Variants in ANTXR2 observed in about 807,000 individuals in gnomAD.
ANTXR2 encodes the protein anthrax toxin receptor 2.
In ANTXR2, 44 loss-of-function variants were observed where a neutral mutation model predicts 73.7. The observed-to-expected ratio is 0.60, with a 90% CI of 0.47 to 0.77. The LOEUF (loss-of-function observed/expected upper bound fraction) is 0.77, where lower values mean the gene tolerates loss of function less well. Ranked by LOEUF, ANTXR2 falls within the 30% of genes least tolerant of loss-of-function variation. ANTXR2 has a pLI of 0.00. For synonymous variants in ANTXR2, 217 were observed against 205.9 expected (o/e 1.05, Z -0.46); for missense variants, 604 against 592.5 (o/e 1.02, Z -0.20).
At chr4:80,020,913 G>T (rs1015200422) in intron 10 of ANTXR2, among the ~76,000 whole-genome samples, 1 of 152,054 alleles carries the variant, frequency 6.6e-6, no homozygotes, top group African/African-American at 2.4e-5. Context: ...TGTAATCCCA[G>T]CACTTTGGGT....
intron 7 of ANTXR2, among the ~76,000 whole-genome samples, chr4:80,038,680 T>A (rs1212810237): frequency 6.6e-6 from 1 of 152,018 alleles, no homozygotes; most frequent in Non-Finnish European, 1.5e-5. Flanking sequence ...ATTATTTTAA[T>A]AAAATAAGTT....
intron 16 of ANTXR2, among the ~76,000 whole-genome samples, chr4:79,936,163 G>A (rs1009388326): frequency 5.9e-5 from 9 of 152,096 alleles, no homozygotes; most frequent in African/African-American, 2.2e-4. Flanking sequence ...TTTACTATCA[G>A]TACAATACCA....
chr4:79,995,384 T>C (rs1170324165), intron 12 of ANTXR2, among the ~76,000 whole-genome samples: 1 of 151,886 alleles, frequency 6.6e-6, no homozygotes, highest in African/African-American at 2.4e-5. Context: ...GGAAAAAATA[T>C]ACAAAAATAA....
Position 79,904,594 on chromosome 4 carries a change from AAAG to A in ANTXR2, c.*2832_*2834del, listed in dbSNP as rs1474052042. The A allele has an allele frequency of 1.3e-5, 2 of 152,194 alleles. No homozygotes were observed. The highest frequency in any genetic ancestry group is 4.8e-5 in the African/African-American group (2 of 41,472). 9.4% of individuals were successfully genotyped at this position (152,194 alleles called of 1,614,324 possible). A position where few individuals can be genotyped will look rare whatever the true frequency, so the allele number is the denominator to read the frequency against. ...ATAAATATTTATGGATCAAATCCAT[AAAG>A]AACAGACATTGTTATGAAATATATA... On this transcript the variant is annotated 3_prime_UTR_variant, in exon 17 of 17. Coordinates refer to ENST00000403729, the MANE Select transcript of ANTXR2 (RefSeq NM_058172.6).
chr4:80,039,801 T>A (rs1031888439), intron 7 of ANTXR2, among the ~76,000 whole-genome samples: 2 of 151,948 alleles, frequency 1.3e-5, no homozygotes, highest in African/African-American at 4.8e-5. Flanking sequence ...AAATAAATTC[T>A]TCCACCAAAA....
chr4:79,904,100 G>T lies in ANTXR2; in HGVS notation c.*3329C>A, dbSNP rs1038949428. 2 of 113,610 alleles carry T rather than the reference G, an allele frequency of 1.8e-5. No individual in the cohort carries two copies. Among genetic ancestry groups the T allele is most frequent in the African/African-American group, 6.5e-5 (2 of 30,758 alleles). 7.0% of individuals were successfully genotyped at this position (113,610 alleles called of 1,614,324 possible). ...TAAACACCTAATTATCCACAATATA[G>T]AATTTGTTTCAACTTTAAACTAAAC... On this transcript the variant is annotated 3_prime_UTR_variant, in exon 17 of 17. Coordinates refer to ENST00000403729, the MANE Select transcript of ANTXR2 (RefSeq NM_058172.6).
At chr4:80,002,803 T>C (rs1314174984) in intron 12 of ANTXR2, among the ~76,000 whole-genome samples, 1 of 151,192 alleles carries the variant, frequency 6.6e-6, no homozygotes, top group Non-Finnish European at 1.5e-5. Flanking sequence ...AAAAAACACA[T>C]GAAAAAATGC....
At chr4:79,965,982 A>G (rs1729345640) in intron 16 of ANTXR2, among the ~76,000 whole-genome samples, 1 of 152,176 alleles carries the variant, frequency 6.6e-6, no homozygotes, top group South Asian at 2.1e-4. Flanking sequence ...TCAGATTTTG[A>G]TTGACATTAG....
intron 11 of ANTXR2, among the ~76,000 whole-genome samples, chr4:80,010,927 C>CA (rs1731542111): frequency 6.6e-6 from 1 of 151,992 alleles, no homozygotes; most frequent in African/African-American, 2.4e-5. Context: ...GTGGGCGGAT[C>CA]ACAAGGTCAG....
At position 79,932,778 on chromosome 4, in the gene ANTXR2, G is replaced by A. The variant is rs1728107698; in HGVS notation, c.1429-25311C>T. Among the ~76,000 whole-genome samples, 3 of 76,034 alleles carry A rather than the reference G, an allele frequency of 3.9e-5. 1 individual carries two copies. In the South Asian group the frequency reaches 1.4e-3, roughly 36 times the overall value. 49.9% of individuals were successfully genotyped at this position (76,034 alleles called of 152,430 possible). A position where few individuals can be genotyped will look rare whatever the true frequency, so the allele number is the denominator to read the frequency against. ...TTGCATTCCAGCCTGGGCAACAAGA[G>A]CAAAACTCCATCTCAAAAAAAAAAA... On this transcript the variant is annotated intron_variant, in intron 16 of 16. Transcript: ENST00000403729.
intron 3 of ANTXR2, among the ~76,000 whole-genome samples, chr4:80,064,682 C>A (rs1734417397): frequency 6.6e-6 from 1 of 152,042 alleles, no homozygotes; most frequent in African/African-American, 2.4e-5. Context: ...TAAGATGAAA[C>A]CTAAATGAGG....
intron 11 of ANTXR2, among the ~76,000 whole-genome samples, chr4:80,010,794 C>T (rs1731534399): frequency 6.6e-6 from 1 of 152,012 alleles, no homozygotes; most frequent in South Asian, 2.1e-4. Flanking sequence ...TCTCCAGATA[C>T]AAATATAATT....
chr4:79,999,448 G>A (rs531037227), intron 12 of ANTXR2, among the ~76,000 whole-genome samples: 2 of 151,976 alleles, frequency 1.3e-5, no homozygotes, highest in Non-Finnish European at 2.9e-5. Flanking sequence ...AGAACTGTAA[G>A]TCAATTAAAC....
Position 79,978,000 on chromosome 4 carries a change from C to T in ANTXR2, c.1347+7G>A. The T allele has an allele frequency of 6.3e-7, 1 of 1,578,396 alleles. No homozygotes were observed. The highest frequency in any genetic ancestry group is 8.6e-7 in the Non-Finnish European group (1 of 1,166,412). The stretch of plus-strand genomic sequence containing the variant: ...TGAGTTAAATTACACAAAATCTGGA[C>T]ACATACCTTAATTGGGGTGTACCAT... On this transcript the variant is annotated splice_region_variant and intron_variant, in intron 15 of 16. Coordinates refer to ENST00000403729, the MANE Select transcript of ANTXR2 (RefSeq NM_058172.6).
chr4:79,929,689 C>T (rs1727983644), intron 16 of ANTXR2, among the ~76,000 whole-genome samples: 1 of 152,024 alleles, frequency 6.6e-6, no homozygotes, highest in Admixed American at 6.6e-5. Flanking sequence ...CAGAACAATA[C>T]TGTTGTGATT....
intron 12 of ANTXR2, among the ~76,000 whole-genome samples, chr4:79,997,306 T>C (rs563236129): frequency 6.6e-6 from 1 of 151,712 alleles, no homozygotes; most frequent in East Asian, 1.9e-4. Context: ...TAAGTAGTAT[T>C]TCAGAACTGA....
chr4:79,955,189 T>C (rs1288324650), intron 16 of ANTXR2, among the ~76,000 whole-genome samples: 6 of 152,160 alleles, frequency 3.9e-5, no homozygotes, highest in Non-Finnish European at 8.8e-5. Context: ...ACAAATTTTA[T>C]AGAGAGGAAA....
chr4:79,947,395 A>G (rs539693114), intron 16 of ANTXR2, among the ~76,000 whole-genome samples: 4 of 152,150 alleles, frequency 2.6e-5, no homozygotes, highest in Non-Finnish European at 4.4e-5. Flanking sequence ...TTGGTTTGGC[A>G]TGACCATCAT....
At chr4:80,052,887 T>G (rs890779864) in intron 7 of ANTXR2, among the ~76,000 whole-genome samples, 3 of 151,588 alleles carry the variant, frequency 2.0e-5, no homozygotes, top group African/African-American at 7.3e-5. Flanking sequence ...TACTAATTCC[T>G]TGAAGGGGAA....
Sources: allele counts gnomAD v4.1 joint callset (sites outside exome capture counted in the v4.1 genomes callset), GRCh38; gene constraint gnomAD v4.1.1; transcripts MANE v1.5; gene names NCBI Gene and HGNC (gene_info 2026-07-23, HGNC 2026-07-21).